GSE1: variants seen among roughly 807,000 people sequenced by gnomAD.
The protein encoded by GSE1 is Gse1 coiled-coil protein.
Under a neutral mutation model 112.6 loss-of-function variants are expected in GSE1, and 32 were observed. The observed-to-expected ratio is 0.28, with a 90% CI of 0.21 to 0.38. The LOEUF (loss-of-function observed/expected upper bound fraction) is 0.38, where lower values mean the gene tolerates loss of function less well. Ranked by LOEUF, GSE1 falls within the 10% of genes least tolerant of loss-of-function variation. The pLI, the probability that GSE1 is intolerant of heterozygous loss-of-function variation, is 1.00. For missense variants in GSE1, 2,348 were observed against 1,699.2 expected, an observed-to-expected ratio of 1.38 and a Z score of -6.71; for synonymous variants, 1,115 against 735.6, an observed-to-expected ratio of 1.52 and a Z score of -8.35.
intron 2 of GSE1, among the ~76,000 whole-genome samples, chr16:85,400,889 T>C (rs1468584166): frequency 6.6e-6 from 1 of 151,928 alleles, no homozygotes; most frequent in African/African-American, 2.4e-5. Context: ...CTGTGTGTGA[T>C]TGTGGGTCTG....
intron 2 of GSE1, among the ~76,000 whole-genome samples, chr16:85,522,495 C>T (rs545664658): frequency 4.7e-4 from 71 of 151,398 alleles, no homozygotes; most frequent in African/African-American, 1.6e-3. Context: ...CCGCGTTTCT[C>T]GTGAGAGTGA....
chr16:85,359,753 A>T (rs1238721703), intron 2 of GSE1, among the ~76,000 whole-genome samples: 1 of 152,038 alleles, frequency 6.6e-6, no homozygotes. Flanking sequence ...ACGAACCCCG[A>T]CGTCTGGCTC....
chr16:85,532,449 G>A (rs1244104634), intron 2 of GSE1, among the ~76,000 whole-genome samples: 3 of 152,176 alleles, frequency 2.0e-5, no homozygotes, highest in Admixed American at 1.3e-4. Flanking sequence ...TTTTTGCAGA[G>A]ATGAAGTCTC....
chr16:85,277,623 C>A (rs1245084091), intron 1 of GSE1, among the ~76,000 whole-genome samples: 2 of 148,106 alleles, frequency 1.4e-5, no homozygotes, highest in East Asian at 3.9e-4. Context: ...CCAACTTCCA[C>A]CCCACCTGGA....
intron 1 of GSE1, among the ~76,000 whole-genome samples, chr16:85,181,172 G>A (rs1301628673): frequency 1.3e-5 from 2 of 152,206 alleles, no homozygotes; most frequent in African/African-American, 4.8e-5. Context: ...TGGGCTCCAC[G>A]CTGACACCGG....
At chr16:85,225,142 A>C (rs1365110187) in intron 1 of GSE1, among the ~76,000 whole-genome samples, 1 of 152,028 alleles carries the variant, frequency 6.6e-6, no homozygotes, top group Non-Finnish European at 1.5e-5. Context: ...AAAAGAAAGA[A>C]GTAAGTGAAT....
chr16:85,321,186 A>G (rs1262782048), intron 1 of GSE1, among the ~76,000 whole-genome samples: 1 of 152,190 alleles, frequency 6.6e-6, no homozygotes, highest in Admixed American at 6.5e-5. Flanking sequence ...CCTGGCACAC[A>G]GTAGGTGCTC....
intron 2 of GSE1, among the ~76,000 whole-genome samples, chr16:85,412,599 G>GCC (rs530172546): frequency 8.5e-4 from 2 of 2,362 alleles, no homozygotes; most frequent in African/African-American, 5.2e-4. Flanking sequence ...TACACTCAGG[G>GCC]CACCTGGATA....
At chr16:85,496,559 A>G (rs2051185045) in intron 2 of GSE1, among the ~76,000 whole-genome samples, 1 of 152,138 alleles carries the variant, frequency 6.6e-6, no homozygotes, top group Non-Finnish European at 1.5e-5. Context: ...AGGGGGGCCG[A>G]CCCACCCACC....
chr16:85,557,234 G>A lies in GSE1; in HGVS notation c.37+871G>A, dbSNP rs560591689. ...CACCCCCACTCCTGTGCCCCCTGGG[G>A]TCGGGGAGAAACGCACAGGCCTGCC... On this transcript the variant is annotated intron_variant, in intron 1 of 2. Coordinates refer to the GSE1 transcript ENST00000635906. Among the ~76,000 whole-genome samples the A allele has an allele frequency of 4.6e-5, 7 of 152,344 alleles. No homozygotes were observed. The East Asian group carries it at 1.2e-3, about 25-fold the overall frequency.
chr16:85,277,481 A>G (rs1248942362), intron 1 of GSE1, among the ~76,000 whole-genome samples: 1 of 151,940 alleles, frequency 6.6e-6, no homozygotes, highest in African/African-American at 2.4e-5. Flanking sequence ...TGTACTGCTC[A>G]GATGTGTATG....
chr16:85,176,166 T>C (rs2074459825), intron 1 of GSE1, among the ~76,000 whole-genome samples: 1 of 152,128 alleles, frequency 6.6e-6, no homozygotes, highest in African/African-American at 2.4e-5. Context: ...TTTTTTGTTG[T>C]TTTCTAGAGA....
intron 1 of GSE1, among the ~76,000 whole-genome samples, chr16:85,183,010 A>T (rs1321552454): frequency 6.6e-6 from 1 of 152,178 alleles, no homozygotes; most frequent in African/African-American, 2.4e-5. Flanking sequence ...ACTGTTACAC[A>T]TGCGGTCACA....
chr16:85,491,405 A>T (rs932532833), intron 2 of GSE1, among the ~76,000 whole-genome samples: 2 of 152,278 alleles, frequency 1.3e-5, no homozygotes, highest in Admixed American at 6.5e-5. Context: ...GTGTTGGAAG[A>T]TGCAGGGTAT....
chr16:85,648,443 C>T (rs1007119410), intron 2 of GSE1, 109 bp from the exon 3 acceptor site: 1 of 622,182 alleles, frequency 1.6e-6, no homozygotes, highest in Non-Finnish European at 2.8e-6. Flanking sequence ...ACCTGGAGGT[C>T]TGGGGCCTCA....
At chr16:85,423,210 G>T (rs1226761026) in intron 2 of GSE1, among the ~76,000 whole-genome samples, 1 of 152,218 alleles carries the variant, frequency 6.6e-6, no homozygotes, top group Non-Finnish European at 1.5e-5. Context: ...TTCTCTGCAG[G>T]GAAGGGGCAA....
chr16:85,178,493 C>A (rs1648850745), intron 1 of GSE1, among the ~76,000 whole-genome samples: 1 of 152,036 alleles, frequency 6.6e-6, no homozygotes, highest in Non-Finnish European at 1.5e-5. Context: ...TGCCCCCAGG[C>A]CTGTTAAATC....
At chr16:85,458,297 C>G (rs548191166) in intron 2 of GSE1, among the ~76,000 whole-genome samples, 40 of 152,226 alleles carry the variant, frequency 2.6e-4, no homozygotes, top group Non-Finnish European at 5.4e-4. Context: ...GAGTGCAGCC[C>G]AAGGACACAG....
At chr16:85,610,577 G>A (rs1345620149), upstream of GSE1, among the ~76,000 whole-genome samples, 3 of 152,336 alleles carry the variant, frequency 2.0e-5, no homozygotes, top group Admixed American at 2.0e-4. Context: ...TAATTTCCGG[G>A]GGCCGGGCGC....
Sources: gnomAD v4.1 joint callset for allele counts (sites outside exome capture counted in the v4.1 genomes callset) on GRCh38, gnomAD v4.1.1 for gene constraint, MANE v1.5 for transcripts, NCBI Gene and HGNC (gene_info 2026-07-23, HGNC 2026-07-21) for gene names.